Variants in SENP1 observed in about 807,000 individuals in gnomAD.
SENP1 encodes the protein sentrin-specific protease 1.
Under a neutral mutation model 93.0 loss-of-function variants are expected in SENP1, and 21 were observed. The ratio of observed to expected loss-of-function variants is 0.23; its 90% CI spans 0.16 to 0.33. SENP1 has a LOEUF of 0.33. SENP1 is among the 10% of genes least tolerant of loss of function. SENP1 has a pLI of 1.00. For synonymous variants in SENP1, 256 were observed against 259.6 expected, an observed-to-expected ratio of 0.99 and a Z score of 0.13; for missense variants, 591 against 758.7, an observed-to-expected ratio of 0.78 and a Z score of 2.60.
chr12:48,082,660 A>G (rs770613400), intron 6 of SENP1, among the ~76,000 whole-genome samples: 2 of 152,376 alleles, frequency 1.3e-5, no homozygotes, highest in African/African-American at 2.4e-5. Flanking sequence ...AGATATGTGC[A>G]CACATCCTAT....
chr12:48,078,646 G>A (rs972625756), intron 6 of SENP1, among the ~76,000 whole-genome samples: 2 of 151,648 alleles, frequency 1.3e-5, no homozygotes, highest in Non-Finnish European at 2.9e-5. Context: ...TCAGCCTCCT[G>A]AGTAGCTGGG....
intron 13 of SENP1, among the ~76,000 whole-genome samples, chr12:48,063,404 G>C (rs757057711): frequency 6.6e-6 from 1 of 152,290 alleles, no homozygotes; most frequent in Admixed American, 6.5e-5. Context: ...CAGAAGAGAT[G>C]AACTGCAGAA....
chr12:48,055,137 G>A, intron 13 of SENP1: 1 of 261,290 alleles, frequency 3.8e-6, no homozygotes, highest in Non-Finnish European at 7.3e-6. Flanking sequence ...TCTTGCGCTT[G>A]GCAGGGGAGC....
intron 13 of SENP1, among the ~76,000 whole-genome samples, chr12:48,054,362 GTCTCTATTACTGATA>G (rs1942057631): frequency 6.6e-6 from 1 of 152,144 alleles, no homozygotes; most frequent in African/African-American, 2.4e-5. Context: ...ATTAAGAAAT[GTCTCTATTACTGATA>G]ATATTCCTTG....
intron 11 of SENP1, 107 bp downstream of exon 11, chr12:48,065,489 G>A (rs183485722): frequency 8.3e-6 from 6 of 727,000 alleles, no homozygotes; most frequent in African/African-American, 5.3e-5. Context: ...GCTACCATAC[G>A]ATCTTGGAAT....
At chr12:48,073,875 T>C (rs1943889370) in intron 8 of SENP1, among the ~76,000 whole-genome samples, 1 of 152,218 alleles carries the variant, frequency 6.6e-6, no homozygotes, top group Non-Finnish European at 1.5e-5. Context: ...GGAAGTTGTT[T>C]AAATAAAATG....
intron 9 of SENP1, among the ~76,000 whole-genome samples, chr12:48,067,223 T>C (rs1943367610): frequency 6.6e-6 from 1 of 152,068 alleles, no homozygotes; most frequent in African/African-American, 2.4e-5. Flanking sequence ...GCAGAGATAC[T>C]ACATTTGGCA....
intron 4 of SENP1, among the ~76,000 whole-genome samples, chr12:48,092,204 G>A (rs1402726766): frequency 6.6e-6 from 1 of 152,054 alleles, no homozygotes; most frequent in Admixed American, 6.6e-5. Context: ...GGGTGAGAGA[G>A]AAGACAAATA....
intron 17 of SENP1, among the ~76,000 whole-genome samples, 192 bp downstream of exon 17, chr12:48,046,164 G>A (rs993957067): frequency 2.0e-5 from 3 of 152,278 alleles, no homozygotes; most frequent in Non-Finnish European, 2.9e-5. Flanking sequence ...AACCCAGGAC[G>A]TGGCTTATCA....
At position 48,056,327 on chromosome 12, in the gene SENP1, A is replaced by AATATTATTTAATATATTATATATAAT. The variant is rs1565743339; in HGVS notation, c.1408-7196_1408-7195insATTATATATAATATATTAAATAATAT. On this transcript the variant is annotated intron_variant, in intron 13 of 17. Coordinates refer to ENST00000549518, the MANE Select transcript of SENP1 (RefSeq NM_001267594.2). ...TAATATATTACATATCACATATATAAATATTATTTAATATATTACATATAA... is the reference window on the plus strand; with the variant it reads ...TAATATATTACATATCACATATATAAATATTATTTAATATATTATATATAATATATTATTTAATATATTACATATAA... Among the ~76,000 whole-genome samples, 201 of 90,914 alleles carry AATATTATTTAATATATTATATATAAT rather than the reference A, an allele frequency of 2.2e-3. 2 individuals are homozygous for AATATTATTTAATATATTATATATAAT. The highest frequency in any genetic ancestry group is 7.4e-3 in the African/African-American group (188 of 25,476). The allele number at this position is 90,914 out of a possible 152,430, so 59.6% of individuals were successfully genotyped here. A position where few individuals can be genotyped will look rare whatever the true frequency, so the allele number is the denominator to read the frequency against.
rs1942406393 is a variant in SENP1, at chr12:48,056,523, TTACA to T, written c.1407+7183_1407+7186del. Among the ~76,000 whole-genome samples, 3 of 78,928 alleles carry T rather than the reference TTACA, an allele frequency of 3.8e-5. 1 individual carries two copies. In the South Asian group the frequency reaches 1.4e-3, roughly 38 times the overall value. 51.8% of individuals were successfully genotyped at this position (78,928 alleles called of 152,430 possible). A position where few individuals can be genotyped will look rare whatever the true frequency, so the allele number is the denominator to read the frequency against. On this transcript the variant is annotated intron_variant, in intron 13 of 17. Transcript: ENST00000549518. ...ATATATAAATATATTATTTAATATA[TTACA>T]TATATAAATATATTATTTAATATAT...
chr12:48,056,153 A>T (rs1199276979), intron 13 of SENP1, among the ~76,000 whole-genome samples: 1 of 40,168 alleles, frequency 2.5e-5, no homozygotes, highest in South Asian at 7.6e-4. Flanking sequence ...TATATTATTT[A>T]ATATATAGTA....
chr12:48,063,203 T>A (rs762906300), intron 13 of SENP1, among the ~76,000 whole-genome samples: 1 of 152,200 alleles, frequency 6.6e-6, no homozygotes, highest in African/African-American at 2.4e-5. Flanking sequence ...AATAATAATA[T>A]AACTTTTTCA....
intron 5 of SENP1, among the ~76,000 whole-genome samples, chr12:48,087,780 T>C (rs2137186624): frequency 6.6e-6 from 1 of 152,280 alleles, no homozygotes; most frequent in Middle Eastern, 3.4e-3. Context: ...ATAAAAGCCA[T>C]CTTGTTGGCT....
chr12:48,063,656 T>C, intron 13 of SENP1, 54 bp downstream of exon 13: 1 of 1,568,444 alleles, frequency 6.4e-7, no homozygotes, highest in Non-Finnish European at 8.7e-7. Context: ...AATGCCTTAA[T>C]TTAACTGCCA....
chr12:48,065,824 A>G (rs1943258672), intron 10 of SENP1, 144 bp from the exon 11 acceptor site: 3 of 593,344 alleles, frequency 5.1e-6, no homozygotes, highest in Non-Finnish European at 9.0e-6. Flanking sequence ...ATTTTAAGAC[A>G]TAGAGTGAAA....
intron 13 of SENP1, among the ~76,000 whole-genome samples, chr12:48,051,069 G>C (rs983063611): frequency 2.7e-5 from 4 of 146,854 alleles, no homozygotes; most frequent in Admixed American, 7.0e-5. Flanking sequence ...CTCTGGAATC[G>C]TAAGTCTGAA....
At position 48,047,188 on chromosome 12, in the gene SENP1, T is replaced by TA. The variant is rs563689028; in HGVS notation, c.1692-127dup. The TA allele has an allele frequency of 3.3e-5, 20 of 612,850 alleles. No homozygotes were observed. In the South Asian group the frequency reaches 3.8e-4, roughly 12 times the overall value. The allele number at this position is 612,850 out of a possible 1,614,324, so 38.0% of individuals were successfully genotyped here. Reference sequence around the variant, plus strand: ...ATCTGCTCTTCTGAGGAAAAGAGTATATAATACTGGGCAGGGAATCCCTGG... The same window carrying TA: ...ATCTGCTCTTCTGAGGAAAAGAGTATAATAATACTGGGCAGGGAATCCCTGG... On this transcript the variant is annotated intron_variant, in intron 15 of 17. Transcript: ENST00000549518.
At chr12:48,047,544 G>C (rs1941461395) in intron 15 of SENP1, among the ~76,000 whole-genome samples, 1 of 152,176 alleles carries the variant, frequency 6.6e-6, no homozygotes, top group Non-Finnish European at 1.5e-5. Flanking sequence ...AGTGCAAACT[G>C]TTCACCATTG....
Sources: allele counts gnomAD v4.1 joint callset (sites outside exome capture counted in the v4.1 genomes callset), GRCh38; gene constraint gnomAD v4.1.1; transcripts MANE v1.5; gene names NCBI Gene and HGNC (gene_info 2026-07-23, HGNC 2026-07-21).